Variants in DIABLO observed in about 807,000 individuals in gnomAD.
The protein encoded by DIABLO is diablo IAP-binding mitochondrial protein, also known as diablo homolog, mitochondrial.
In DIABLO, 32 loss-of-function variants were observed where a neutral mutation model predicts 31.7. The observed-to-expected ratio is 1.01, with a 90% CI of 0.76 to 1.35. The LOEUF (loss-of-function observed/expected upper bound fraction) is 1.35, where lower values mean the gene tolerates loss of function less well. Ranked by LOEUF, DIABLO falls within the 40% of genes most tolerant of loss-of-function variation. The pLI is 0.00. For synonymous variants in DIABLO, 132 were observed against 103.2 expected, an observed-to-expected ratio of 1.28 and a Z score of -1.69; for missense variants, 316 against 286.4, an observed-to-expected ratio of 1.10 and a Z score of -0.75.
At chr12:122,215,985 C>A (rs1264012353) in intron 5 of DIABLO, among the ~76,000 whole-genome samples, 1 of 151,940 alleles carries the variant, frequency 6.6e-6, no homozygotes. Context: ...GCCCATCTGC[C>A]CTCTAGTTTC....
In DIABLO at chr12:122,216,907, T is replaced by C. The variant is rs201343405; in HGVS notation, c.316-38A>G. 171 of 1,529,336 alleles carry C rather than the reference T, an allele frequency of 1.1e-4. No individual in the cohort carries two copies. In the East Asian group the frequency reaches 3.3e-3, roughly 29 times the overall value. The allele number at this position is 1,529,336 out of a possible 1,614,324, so 94.7% of individuals were successfully genotyped here. A position where few individuals can be genotyped will look rare whatever the true frequency, so the allele number is the denominator to read the frequency against. On this transcript the variant is annotated intron_variant, in intron 3 of 5. Transcript: ENST00000464942. ...AATGAACAAGTCTGAGTAAAGTAAG[T>C]GAGACATATCAGAAGGAATAGAGAG...
In DIABLO at chr12:122,226,042, A is replaced by C; in HGVS notation, c.-28T>G. 1 of 1,595,784 alleles carries C rather than the reference A, an allele frequency of 6.3e-7. No homozygotes were observed. The highest frequency in any genetic ancestry group is 8.5e-7 in the Non-Finnish European group (1 of 1,173,062). ...TGCAGCGCGCGGACGCCAGACGCACACGCCGGAAGTGACGCAGCTTCGTGA... is the reference window on the plus strand; with the variant it reads ...TGCAGCGCGCGGACGCCAGACGCACCCGCCGGAAGTGACGCAGCTTCGTGA... On this transcript the variant is annotated 5_prime_UTR_variant, in exon 1 of 6. Coordinates refer to ENST00000464942, the MANE Select transcript of DIABLO (RefSeq NM_001371333.1).
At chr12:122,225,902 A>G in intron 1 of DIABLO, 63 bp downstream of exon 1, 1 of 1,548,626 alleles carries the variant, frequency 6.5e-7, no homozygotes, top group South Asian at 1.2e-5. Flanking sequence ...GGGCCGGGCC[A>G]CAGCGCTGTC....
Position 122,224,639 on chromosome 12 carries a change from C to A in DIABLO, c.56G>T (p.Arg19Ile). The A allele has an allele frequency of 6.2e-7, 1 of 1,614,176 alleles. No homozygotes were observed. The highest frequency in any genetic ancestry group is 1.1e-5 in the South Asian group (1 of 91,082). Residue 19 changes from arginine to isoleucine, a missense_variant, in exon 2 of 6, where the codon AGA becomes ATA. Transcript: ENST00000464942. Reference sequence around the variant, plus strand: ...CACAACAGGAACACACAAACACTGTCTGTACCTGGAAGTAGAAGTCAGATT... The same window carrying A: ...CACAACAGGAACACACAAACACTGTATGTACCTGGAAGTAGAAGTCAGATT... ...SRSVTSFFRY[R>I]QCLCVPVVAN...
At chr12:122,226,634 G>T (rs1241529341), upstream of DIABLO, 1 of 671,068 alleles carries the variant, frequency 1.5e-6, no homozygotes, top group Non-Finnish European at 2.7e-6. Flanking sequence ...GGGCGGACGG[G>T]AACACACGAG....
chr12:122,223,433 T>TAAA (rs34214105), intron 2 of DIABLO, among the ~76,000 whole-genome samples: 2 of 139,994 alleles, frequency 1.4e-5, no homozygotes, highest in Non-Finnish European at 3.1e-5. Context: ...ACTCTGTCTT[T>TAAA]AAAAAAAAAA....
intron 5 of DIABLO, among the ~76,000 whole-genome samples, chr12:122,209,360 AAAAAAAG>A (rs1439196406): frequency 7.4e-5 from 11 of 148,138 alleles, no homozygotes; most frequent in African/African-American, 2.9e-4. Flanking sequence ...CCGTCTCAAA[AAAAAAAG>A]AAAAAAAGAA....
intron 5 of DIABLO, among the ~76,000 whole-genome samples, chr12:122,209,408 A>G (rs376726660): frequency 0.016 from 2,495 of 152,022 alleles, 71 homozygotes; most frequent in African/African-American, 0.057. Context: ...TCGTGCCTGT[A>G]ATCCTAGCAC....
intron 3 of DIABLO, among the ~76,000 whole-genome samples, chr12:122,218,007 A>C (rs563827634): frequency 1.3e-5 from 2 of 152,186 alleles, no homozygotes; most frequent in East Asian, 3.9e-4. Context: ...TTCCTGGGAA[A>C]AGTCTAAAAA....
chr12:122,215,113 C>T lies in DIABLO; in HGVS notation c.523+1375G>A, dbSNP rs557246240. On this transcript the variant is annotated intron_variant, in intron 5 of 5. Coordinates refer to ENST00000464942, the MANE Select transcript of DIABLO (RefSeq NM_001371333.1). ...GAGGCTGAAGTGAGGAACAACATGA[C>T]GAAACCTGCCTCTACTAAAAATACA... 3.1e-3 allele frequency among the ~76,000 whole-genome samples: 469 copies of T among 152,184 alleles called. 2 individuals carry two copies. Among genetic ancestry groups the T allele is most frequent in the Middle Eastern group, 0.01 (3 of 294 alleles).
chr12:122,211,077 T>TA (rs1156571584), intron 5 of DIABLO, among the ~76,000 whole-genome samples: 2,119 of 14,326 alleles, frequency 0.15, 866 homozygotes, highest in Non-Finnish European at 0.21. Context: ...TAGTTAAAAG[T>TA]AAAAAAAAAA....
chr12:122,223,799 ATTTGT>A (rs1033007679), intron 2 of DIABLO, among the ~76,000 whole-genome samples: 4 of 151,920 alleles, frequency 2.6e-5, no homozygotes, highest in Non-Finnish European at 2.9e-5. Flanking sequence ...CACTTACCTC[ATTTGT>A]TTTGTTTTGT....
intron 2 of DIABLO, among the ~76,000 whole-genome samples, chr12:122,218,972 C>T (rs1219518795): frequency 2.8e-5 from 4 of 145,002 alleles, no homozygotes; most frequent in Non-Finnish European, 6.0e-5. Context: ...CGGTGGCTCA[C>T]GCCTGTAATC....
chr12:122,210,569 C>CG (rs1213844620), intron 5 of DIABLO, among the ~76,000 whole-genome samples: 1 of 150,936 alleles, frequency 6.6e-6, no homozygotes, highest in African/African-American at 2.5e-5. Context: ...TTAGTAGAGA[C>CG]GGGGTTTCAC....
chr12:122,225,803 G>T (rs1954451289), intron 1 of DIABLO, 162 bp downstream of exon 1: 16 of 1,478,542 alleles, frequency 1.1e-5, no homozygotes, highest in Non-Finnish European at 1.4e-5. Flanking sequence ...GGCGGAGGCG[G>T]GGCTGTCCTC....
chr12:122,209,927 T>G (rs1431107709), intron 5 of DIABLO: 2 of 640,608 alleles, frequency 3.1e-6, no homozygotes, highest in East Asian at 2.7e-5. Flanking sequence ...CTCTTCATAA[T>G]TGTACTTAGA....
chr12:122,219,818 T>G (rs1342551301), intron 2 of DIABLO, among the ~76,000 whole-genome samples: 3 of 147,610 alleles, frequency 2.0e-5, no homozygotes, highest in Non-Finnish European at 4.5e-5. Flanking sequence ...AGAGCCAAGA[T>G]CGTGCCACTT....
At position 122,208,423 on chromosome 12, in the gene DIABLO, C is replaced by T. The variant is rs1290110824; in HGVS notation, c.678G>A (p.Glu226=). ...LRQKTQEEGE[E]RAESEQEAYL... is the part of the protein sequence containing the mutation. ...AGGCCTCCTGCTCCGACTCAGCCCG[C>T]TCCTCCCCTTCCTCCTGTGTTTTCT... is the stretch of plus-strand genomic sequence containing the variant. Residue 226 remains glutamate (E), a synonymous_variant, in exon 6 of 6, where the codon GAG becomes GAA. Transcript: ENST00000464942. 1.2e-6 allele frequency: 2 copies of T among 1,613,598 alleles called. No individual in the cohort carries two copies. The highest frequency in any genetic ancestry group is 1.3e-5 in the African/African-American group (1 of 75,036).
intron 5 of DIABLO, among the ~76,000 whole-genome samples, 176 bp downstream of exon 5, chr12:122,216,312 T>C (rs1196124758): frequency 2.6e-5 from 4 of 152,236 alleles, no homozygotes; most frequent in Admixed American, 6.5e-5. Context: ...TCATTGTTTC[T>C]ATTGTGCAAA....
Sources: allele counts gnomAD v4.1 joint callset (sites outside exome capture counted in the v4.1 genomes callset), GRCh38; gene constraint gnomAD v4.1.1; transcripts MANE v1.5; gene names NCBI Gene and HGNC (gene_info 2026-07-23, HGNC 2026-07-21).